Variants in TMCO5A observed in about 807,000 individuals in gnomAD.
TMCO5A encodes the protein transmembrane and coiled-coil domains 5A.
In TMCO5A, 34 loss-of-function variants were observed where a neutral mutation model predicts 42.3. That is an observed-to-expected ratio of 0.80 (90% confidence interval 0.61 to 1.07). The LOEUF (loss-of-function observed/expected upper bound fraction) is 1.07, where lower values mean the gene tolerates loss of function less well. TMCO5A is among the 50% of genes least tolerant of loss of function. The probability of loss-of-function intolerance (pLI) is 0.00; values close to 1 mark genes in which losing one functional copy is unlikely to be tolerated. For missense variants in TMCO5A, 357 were observed against 327.9 expected, an observed-to-expected ratio of 1.09 and a Z score of -0.69; for synonymous variants, 131 against 115.6, an observed-to-expected ratio of 1.13 and a Z score of -0.86.
rs766554532 is a variant in TMCO5A at position 37,936,940 on chromosome 15, G to A, written c.234G>A (p.Leu78=). The change falls in exon 4 of 12, where the codon TTG becomes TTA. Residue 78 remains leucine, a synonymous_variant. Transcript: ENST00000319669. ...CCACGATGGAAAGGGAAAGAGCCTT[G>A]CAGGAGCTGGAGGAAGAAACAGCCA... is the stretch of plus-strand genomic sequence containing the variant. The part of the protein sequence containing the change: ...NRTTMERERA[L]QELEEETARL... 5.6e-6 allele frequency: 9 copies of A among 1,612,498 alleles called. No individual in the cohort carries two copies. The highest frequency in any genetic ancestry group is 7.6e-6 in the Non-Finnish European group (9 of 1,179,034).
chr15:37,971,137 C>CA (rs1407015882), downstream of TMCO5A, among the ~76,000 whole-genome samples: 1 of 152,220 alleles, frequency 6.6e-6, no homozygotes, highest in African/African-American at 2.4e-5. Flanking sequence ...GCCCCTGTAG[C>CA]AAACTTCTGC....
At chr15:38,026,389 A>G in the TMCO5A span, among the ~76,000 whole-genome samples, 1 of 152,148 alleles carries the variant, frequency 6.6e-6, no homozygotes, top group Non-Finnish European at 1.5e-5. Flanking sequence ...CCTGCCCTAG[A>G]GATCTGTGGA....
At chr15:37,970,274 C>A (rs1035562803), downstream of TMCO5A, among the ~76,000 whole-genome samples, 36 of 152,220 alleles carry the variant, frequency 2.4e-4, no homozygotes, top group African/African-American at 8.4e-4. Context: ...AGTCATGTCT[C>A]ACATGGTGGC....
the TMCO5A span, among the ~76,000 whole-genome samples, chr15:37,979,580 C>G: frequency 6.6e-6 from 1 of 152,086 alleles, no homozygotes; most frequent in Non-Finnish European, 1.5e-5. Context: ...TGAGTGGGGA[C>G]CCAGGTTATG....
At chr15:38,035,485 A>T in the TMCO5A span, among the ~76,000 whole-genome samples, 1 of 152,170 alleles carries the variant, frequency 6.6e-6, no homozygotes, top group Non-Finnish European at 1.5e-5. Flanking sequence ...AAGAACTTAC[A>T]CAAAAGTAGT....
At chr15:37,942,104 A>G in intron 8 of TMCO5A, 87 bp from the exon 9 acceptor site, 1 of 1,222,974 alleles carries the variant, frequency 8.2e-7, no homozygotes, top group Non-Finnish European at 1.2e-6. Context: ...CATTCATGGT[A>G]TCATGTAATA....
chr15:37,943,594 A>G, intron 10 of TMCO5A, 196 bp downstream of exon 10: 1 of 547,170 alleles, frequency 1.8e-6, no homozygotes, highest in East Asian at 3.1e-5. Context: ...CTTTCTTCTC[A>G]TTCAGCCATA....
chr15:37,987,357 A>G, the TMCO5A span, among the ~76,000 whole-genome samples: 2 of 151,990 alleles, frequency 1.3e-5, no homozygotes, highest in Admixed American at 6.6e-5. Flanking sequence ...TACTCTGTCA[A>G]TTAAGTCTTT....
At chr15:38,032,890 A>G in the TMCO5A span, among the ~76,000 whole-genome samples, 1 of 149,822 alleles carries the variant, frequency 6.7e-6, no homozygotes, top group South Asian at 2.1e-4. Context: ...GTGGAAGTAG[A>G]CTGTGTTGGC....
chr15:37,969,943 T>C (rs1249628021), downstream of TMCO5A, among the ~76,000 whole-genome samples: 1 of 152,236 alleles, frequency 6.6e-6, no homozygotes, highest in Admixed American at 6.5e-5. Context: ...TTTAGGTTGA[T>C]TCCATGTCTT....
At chr15:38,003,938 A>G in the TMCO5A span, among the ~76,000 whole-genome samples, 2 of 151,862 alleles carry the variant, frequency 1.3e-5, no homozygotes, top group Non-Finnish European at 2.9e-5. Flanking sequence ...AAGTCCCCTT[A>G]CTCTTCTTAC....
chr15:37,993,991 G>A, the TMCO5A span, among the ~76,000 whole-genome samples: 1 of 152,226 alleles, frequency 6.6e-6, no homozygotes, highest in Non-Finnish European at 1.5e-5. Context: ...TAGGAAGACA[G>A]ATTCCTGGTG....
chr15:37,993,723 C>T, the TMCO5A span, among the ~76,000 whole-genome samples: 2 of 152,036 alleles, frequency 1.3e-5, no homozygotes, highest in African/African-American at 4.8e-5. Context: ...GTCTGCATCT[C>T]CAAGATCAAA....
At chr15:38,008,183 C>T in the TMCO5A span, among the ~76,000 whole-genome samples, 2 of 151,352 alleles carry the variant, frequency 1.3e-5, no homozygotes, top group Non-Finnish European at 2.9e-5. Flanking sequence ...GCGTGAGCCA[C>T]CGTGCCCAGC....
chr15:37,942,764 T>C (rs1291998266), intron 9 of TMCO5A: 3 of 154,380 alleles, frequency 1.9e-5, no homozygotes, highest in African/African-American at 7.2e-5. Context: ...AAATTAGAGA[T>C]GGGAAAGCAC....
chr15:38,018,683 A>C, the TMCO5A span, among the ~76,000 whole-genome samples: 3 of 152,254 alleles, frequency 2.0e-5, 1 homozygote, highest in African/African-American at 7.2e-5. Context: ...GAAAGCAATA[A>C]TCAAAGAAAT....
chr15:37,996,954 T>C, the TMCO5A span, among the ~76,000 whole-genome samples: 1 of 152,160 alleles, frequency 6.6e-6, no homozygotes, highest in Non-Finnish European at 1.5e-5. Context: ...ACTTCTATCT[T>C]AAAACATACA....
chr15:37,984,041 G>A, the TMCO5A span, among the ~76,000 whole-genome samples: 2 of 152,136 alleles, frequency 1.3e-5, no homozygotes, highest in African/African-American at 2.4e-5. Context: ...GGTCATGAGA[G>A]GATACATGTT....
chr15:37,952,061 A>G (rs1890173196), downstream of TMCO5A, among the ~76,000 whole-genome samples: 1 of 152,132 alleles, frequency 6.6e-6, no homozygotes, highest in Admixed American at 6.6e-5. Context: ...GCTAATTTAA[A>G]CCAGCCCTAG....
Sources: gnomAD v4.1 joint callset for allele counts (sites outside exome capture counted in the v4.1 genomes callset) on GRCh38, gnomAD v4.1.1 for gene constraint, MANE v1.5 for transcripts, NCBI Gene and HGNC (gene_info 2026-07-23, HGNC 2026-07-21) for gene names.